SMARCA2: variants seen among roughly 807,000 people sequenced by gnomAD.
SMARCA2 encodes the protein SWI/SNF related BAF chromatin remodeling complex subunit ATPase 2.
A neutral mutation model predicts 199.8 loss-of-function variants in SMARCA2; 61 were observed. That is an observed-to-expected ratio of 0.31 (90% CI 0.25 to 0.38). The LOEUF is 0.38. Ranked by LOEUF, SMARCA2 falls within the 10% of genes least tolerant of loss-of-function variation. SMARCA2 has a pLI of 1.00. For missense variants in SMARCA2, 1,344 were observed against 2,012.2 expected, an observed-to-expected ratio of 0.67 and a Z score of 6.35; for synonymous variants, 935 against 732.0, an observed-to-expected ratio of 1.28 and a Z score of -4.48.
chr9:2,027,170 A>G (rs566523704), intron 1 of SMARCA2, among the ~76,000 whole-genome samples: 3 of 152,358 alleles, frequency 2.0e-5, no homozygotes, highest in African/African-American at 7.2e-5. Context: ...AGCTGGCTAC[A>G]GTGGCTCACA....
chr9:2,181,870 A>G (rs936818447), intron 30 of SMARCA2, among the ~76,000 whole-genome samples, 194 bp downstream of exon 30: 5 of 152,086 alleles, frequency 3.3e-5, no homozygotes, highest in African/African-American at 1.2e-4. Context: ...ATTGCATTTT[A>G]TTGAAGAGCT....
At chr9:2,051,935 T>C (rs1239753747) in intron 5 of SMARCA2, among the ~76,000 whole-genome samples, 2 of 152,166 alleles carry the variant, frequency 1.3e-5, no homozygotes, top group African/African-American at 2.4e-5. Context: ...TGGGGCTACA[T>C]AGATGTTGTA....
At chr9:2,033,141 T>C (rs1277551388) in intron 3 of SMARCA2, 60 bp downstream of exon 3, 1 of 1,561,574 alleles carries the variant, frequency 6.4e-7, no homozygotes, top group African/African-American at 1.4e-5. Flanking sequence ...GTCTTTCCTG[T>C]TGGATATTTT....
At chr9:2,142,914 T>C (rs1262449220) in intron 27 of SMARCA2, among the ~76,000 whole-genome samples, 1 of 152,178 alleles carries the variant, frequency 6.6e-6, no homozygotes, top group Non-Finnish European at 1.5e-5. Context: ...CATTTTTGGG[T>C]CCCATTGGTG....
At chr9:2,032,119 A>C (rs115347396) in intron 2 of SMARCA2, among the ~76,000 whole-genome samples, 66 of 152,276 alleles carry the variant, frequency 4.3e-4, no homozygotes, top group African/African-American at 1.5e-3. Flanking sequence ...AAACACTCAT[A>C]CTTTCTTGCT....
At chr9:2,049,398 A>G (rs1471662279) in intron 5 of SMARCA2, among the ~76,000 whole-genome samples, 1 of 152,216 alleles carries the variant, frequency 6.6e-6, no homozygotes, top group Non-Finnish European at 1.5e-5. Flanking sequence ...TCCAATGTGT[A>G]AAAAGCTTTT....
intron 28 of SMARCA2, among the ~76,000 whole-genome samples, chr9:2,163,619 T>C (rs1825796215): frequency 6.6e-6 from 1 of 152,236 alleles, no homozygotes; most frequent in South Asian, 2.1e-4. Context: ...AGCATCACTC[T>C]GTATATACAT....
intron 28 of SMARCA2, among the ~76,000 whole-genome samples, chr9:2,168,648 CA>C (rs1826067037): frequency 6.6e-6 from 1 of 152,232 alleles, no homozygotes. Flanking sequence ...TTTACACTGG[CA>C]TTCATACTGT....
chr9:2,164,424 C>G (rs1825842899), intron 28 of SMARCA2, among the ~76,000 whole-genome samples: 3 of 152,212 alleles, frequency 2.0e-5, no homozygotes, highest in Admixed American at 6.5e-5. Context: ...TTTACTTAAT[C>G]TCCCTGAGCC....
At chr9:2,099,429 A>T (rs1056320167) in intron 21 of SMARCA2, among the ~76,000 whole-genome samples, 2 of 152,078 alleles carry the variant, frequency 1.3e-5, no homozygotes, top group African/African-American at 2.4e-5. Flanking sequence ...AAAAGAAATG[A>T]CCCCTTGAGC....
intron 1 of SMARCA2, among the ~76,000 whole-genome samples, chr9:2,020,659 T>C (rs1375723758): frequency 2.0e-5 from 3 of 152,228 alleles, no homozygotes; most frequent in African/African-American, 7.2e-5. Context: ...GAGTTTATTA[T>C]TACCCATGTT....
At chr9:2,118,857 C>T (rs1003022760) in intron 25 of SMARCA2, among the ~76,000 whole-genome samples, 2 of 151,974 alleles carry the variant, frequency 1.3e-5, no homozygotes, top group South Asian at 4.2e-4. Context: ...GTTACTGATA[C>T]CTTTTTAGTT....
chr9:2,070,329 G>T, intron 9 of SMARCA2, 89 bp from the exon 10 acceptor site: 1 of 1,016,090 alleles, frequency 9.8e-7, no homozygotes, highest in South Asian at 1.3e-5. Context: ...GGGTAACAAT[G>T]AAATCCTATT....
chr9:2,192,521 A>T (rs1027894188), intron 33 of SMARCA2, 183 bp from the exon 34 acceptor site: 3 of 632,732 alleles, frequency 4.7e-6, no homozygotes, highest in Admixed American at 2.9e-5. Flanking sequence ...AGTAAGAAAA[A>T]CTTCTCAGCT....
chr9:2,023,531 A>T (rs1818695162), intron 1 of SMARCA2, among the ~76,000 whole-genome samples: 1 of 152,248 alleles, frequency 6.6e-6, no homozygotes, highest in Admixed American at 6.5e-5. Context: ...TTATAAGGTT[A>T]ACTTTAGAAC....
At chr9:2,096,106 C>T (rs1277250944) in intron 19 of SMARCA2, among the ~76,000 whole-genome samples, 3 of 152,130 alleles carry the variant, frequency 2.0e-5, no homozygotes, top group African/African-American at 4.8e-5. Flanking sequence ...CACCTGTTCT[C>T]ACTATGTTGT....
intron 26 of SMARCA2, among the ~76,000 whole-genome samples, chr9:2,121,257 C>A (rs552260486): frequency 5.3e-4 from 80 of 152,196 alleles, no homozygotes; most frequent in African/African-American, 1.9e-3. Context: ...TTGGAAGGCA[C>A]AGCCTTCTTT....
At chr9:2,126,849 G>T (rs77406953) in intron 27 of SMARCA2, among the ~76,000 whole-genome samples, 3 of 152,194 alleles carry the variant, frequency 2.0e-5, no homozygotes, top group African/African-American at 7.2e-5. Flanking sequence ...TGTCTGTGTA[G>T]CCCCTCCAGT....
intron 14 of SMARCA2, among the ~76,000 whole-genome samples, chr9:2,079,731 T>G (rs1378821261): frequency 6.6e-6 from 1 of 152,236 alleles, no homozygotes; most frequent in East Asian, 1.9e-4. Context: ...TCATCTTGTT[T>G]GGCCTACCTG....
Sources: gnomAD v4.1 joint callset for allele counts (sites outside exome capture counted in the v4.1 genomes callset) on GRCh38, gnomAD v4.1.1 for gene constraint, MANE v1.5 for transcripts, NCBI Gene and HGNC (gene_info 2026-07-23, HGNC 2026-07-21) for gene names.